Variants in WDTC1 observed in about 807,000 individuals in gnomAD.
WDTC1 encodes WD and tetratricopeptide repeats 1.
A neutral mutation model predicts 76.0 loss-of-function variants in WDTC1; 12 were observed. The ratio of observed to expected loss-of-function variants is 0.16; its 90% CI spans 0.10 to 0.26. The LOEUF is 0.26. Among genes scored for constraint, WDTC1 ranks in the 10% least tolerant of loss-of-function variants. The pLI, the probability that WDTC1 is intolerant of heterozygous loss-of-function variation, is 1.00. For missense variants in WDTC1, 511 were observed against 908.8 expected (o/e 0.56, Z 5.63); for synonymous variants, 326 against 350.8 (o/e 0.93, Z 0.79).
rs745373455 is a variant in WDTC1 at position 27,282,207 on chromosome 1, C to T, written c.133-32C>T. 3.1e-6 allele frequency: 5 copies of T among 1,612,624 alleles called. No individual in the cohort carries two copies. The South Asian group carries it at 5.5e-5, about 18-fold the overall frequency. On this transcript the variant is annotated intron_variant, in intron 3 of 15. Coordinates refer to ENST00000319394, the MANE Select transcript of WDTC1 (RefSeq NM_001276252.2). ...GTTCCCCAGGAGAACCCCTAACCAA[C>T]TCTCTTCCTGTCTCTTCATTTGCTC... is the stretch of plus-strand genomic sequence containing the variant.
At chr1:27,278,267 G>T (rs2013088168) in intron 3 of WDTC1, among the ~76,000 whole-genome samples, 1 of 152,172 alleles carries the variant, frequency 6.6e-6, no homozygotes, top group Non-Finnish European at 1.5e-5. Context: ...GAATTGAGTA[G>T]TAGTGATATA....
intron 3 of WDTC1, among the ~76,000 whole-genome samples, chr1:27,269,062 C>T (rs1004465226): frequency 2.0e-5 from 3 of 146,404 alleles, no homozygotes; most frequent in Admixed American, 1.4e-4. Flanking sequence ...CAGTGGCTCA[C>T]GCCTGTAAAT....
At chr1:27,298,876 T>C (rs1443659611) in intron 12 of WDTC1, among the ~76,000 whole-genome samples, 1 of 151,880 alleles carries the variant, frequency 6.6e-6, no homozygotes, top group Non-Finnish European at 1.5e-5. Context: ...TGGTGTGCCA[T>C]CGTCTGGCTG....
chr1:27,282,178 T>C, intron 3 of WDTC1, 61 bp from the exon 4 acceptor site: 10 of 1,533,772 alleles, frequency 6.5e-6, no homozygotes, highest in Non-Finnish European at 9.0e-6. Flanking sequence ...CTTCTTGGTG[T>C]TGAGTTCCCC....
At chr1:27,302,473 G>A (rs1025403588) in intron 13 of WDTC1, among the ~76,000 whole-genome samples, 5 of 152,208 alleles carry the variant, frequency 3.3e-5, no homozygotes, top group Middle Eastern at 3.4e-3. Flanking sequence ...GGTGGCTCAC[G>A]CTTATAATCC....
At chr1:27,295,413 C>T (rs1398518802) in intron 9 of WDTC1, among the ~76,000 whole-genome samples, 1 of 151,924 alleles carries the variant, frequency 6.6e-6, no homozygotes, top group Non-Finnish European at 1.5e-5. Flanking sequence ...GGCTTTGTGA[C>T]CTTTGAGGAC....
At chr1:27,289,767 G>A (rs1444729619) in intron 6 of WDTC1, among the ~76,000 whole-genome samples, 1 of 151,912 alleles carries the variant, frequency 6.6e-6, no homozygotes, top group African/African-American at 2.4e-5. Context: ...CGGATCACTC[G>A]CGGTTAGGAG....
In WDTC1 at chr1:27,306,250, G is replaced by T; in HGVS notation, c.1901G>T (p.Arg634Leu). 6.2e-7 allele frequency: 1 copy of T among 1,614,096 alleles called. No homozygotes were observed. The highest frequency in any genetic ancestry group is 8.5e-7 in the Non-Finnish European group (1 of 1,180,030). The change falls in exon 16 of 16, where the codon CGC (arginine) becomes CTC (leucine). Residue 634 changes from arginine (R) to leucine (L), a missense_variant. Transcript: ENST00000319394. This position sits in a 1 kb window ranked among gnomAD's most constrained non-coding sequence, Gnocchi z 5.0. ...GGTGCTTCACAGGCCAACCAGCGGC[G>T]CATGAATGCAGACCCGTTGGAGGTG... The part of the protein sequence containing the change: ...MEGASQANQR[R>L]MNADPLEVML...
chr1:27,287,725 A>G lies in WDTC1; in HGVS notation c.343A>G (p.Lys115Glu). ...RILITGAADS[K>E]VHVHDLTVKE... ...CTTGATCACGGGGGCAGCCGACTCT[A>G]AGGTGCATGTGCACGACCTGACAGT... Residue 115 changes from lysine to glutamate, a missense_variant, in exon 6 of 16, where the codon AAG (lysine) becomes GAG (glutamate). Coordinates refer to ENST00000319394, the MANE Select transcript of WDTC1 (RefSeq NM_001276252.2). 1 of 1,614,072 alleles carries G rather than the reference A, an allele frequency of 6.2e-7. No homozygotes were observed. The highest frequency in any genetic ancestry group is 8.5e-7 in the Non-Finnish European group (1 of 1,179,980).
At chr1:27,275,494 C>T (rs990625422) in intron 3 of WDTC1, among the ~76,000 whole-genome samples, 8 of 151,928 alleles carry the variant, frequency 5.3e-5, no homozygotes, top group Non-Finnish European at 1.2e-4. Context: ...TGGCAGGCAC[C>T]TGTAATCCCA....
At chr1:27,267,023 G>T (rs748204697) in intron 3 of WDTC1, among the ~76,000 whole-genome samples, 11 of 152,144 alleles carry the variant, frequency 7.2e-5, no homozygotes, top group Non-Finnish European at 1.5e-4. Context: ...CACGTTAGAG[G>T]TAGCTTTCAT....
At chr1:27,275,535 T>C (rs1178901809) in intron 3 of WDTC1, among the ~76,000 whole-genome samples, 1 of 151,806 alleles carries the variant, frequency 6.6e-6, no homozygotes, top group Non-Finnish European at 1.5e-5. Context: ...GGAGAATTGC[T>C]TGAACCCAGG....
intron 8 of WDTC1, among the ~76,000 whole-genome samples, 155 bp downstream of exon 8, chr1:27,294,271 A>G (rs2013622946): frequency 1.3e-5 from 2 of 152,222 alleles, no homozygotes; most frequent in Non-Finnish European, 2.9e-5. Flanking sequence ...TTGACAAGCT[A>G]TGTCACCTTC....
At position 27,303,213 on chromosome 1, in the gene WDTC1, G is replaced by T. The variant is rs1047113341; in HGVS notation, c.1469-408G>T. ...CGCTTGAACCTTGGAGGTGGAGGTT[G>T]CAGTGAGCCGAGATCACGCCACTGC... On this transcript the variant is annotated intron_variant, in intron 13 of 15. Transcript: ENST00000319394. The surrounding 1 kb of genome is among the most constrained non-coding windows in gnomAD (Gnocchi z 4.8). 3.3e-5 allele frequency among the ~76,000 whole-genome samples: 5 copies of T among 150,560 alleles called. No individual in the cohort carries two copies. The highest frequency in any genetic ancestry group is 1.2e-4 in the African/African-American group (5 of 40,870).
intron 6 of WDTC1, among the ~76,000 whole-genome samples, chr1:27,289,074 C>T (rs1219238238): frequency 1.6e-4 from 22 of 137,760 alleles, no homozygotes; most frequent in South Asian, 2.4e-4. Context: ...GCTGGCCGGG[C>T]AGGGGGCTGA....
chr1:27,265,248 C>T (rs922933505), intron 3 of WDTC1, among the ~76,000 whole-genome samples: 2 of 152,090 alleles, frequency 1.3e-5, no homozygotes, highest in Admixed American at 1.3e-4. Context: ...TCATATACTT[C>T]AACCAAAAAT....
At chr1:27,284,967 T>C (rs906362796) in intron 5 of WDTC1, among the ~76,000 whole-genome samples, 3 of 151,932 alleles carry the variant, frequency 2.0e-5, no homozygotes, top group Non-Finnish European at 4.4e-5. Flanking sequence ...CTAGACAGGA[T>C]TAAAGACTAC....
At chr1:27,266,615 C>G (rs2012683138) in intron 3 of WDTC1, among the ~76,000 whole-genome samples, 1 of 152,166 alleles carries the variant, frequency 6.6e-6, no homozygotes, top group Admixed American at 6.5e-5. Context: ...TTAAAGTTTC[C>G]TAAGACGCCA....
At chr1:27,258,302 G>A (rs1238115606) in intron 1 of WDTC1, among the ~76,000 whole-genome samples, 2 of 151,644 alleles carry the variant, frequency 1.3e-5, no homozygotes, top group Non-Finnish European at 1.5e-5. Flanking sequence ...GGAGACTGAG[G>A]CGGGCGGATC....
Sources: allele counts gnomAD v4.1 joint callset (sites outside exome capture counted in the v4.1 genomes callset), GRCh38; gene constraint gnomAD v4.1.1; non-coding constraint Gnocchi (gnomAD v3.1); transcripts MANE v1.5; gene names NCBI Gene and HGNC (gene_info 2026-07-23, HGNC 2026-07-21).